ANXA13: variants seen among roughly 807,000 people sequenced by gnomAD.
The protein encoded by ANXA13 is annexin XIII.
ANXA13 carries 36 observed loss-of-function variants against 46.6 expected under a neutral mutation model. The observed-to-expected ratio is 0.77, with a 90% CI of 0.59 to 1.02. ANXA13 has a LOEUF of 1.02. Ranked by LOEUF, ANXA13 falls within the 50% of genes least tolerant of loss-of-function variation. The pLI, the probability that ANXA13 is intolerant of heterozygous loss-of-function variation, is 0.00. For synonymous variants in ANXA13, 163 were observed against 152.9 expected, an observed-to-expected ratio of 1.07 and a Z score of -0.49; for missense variants, 417 against 396.5, an observed-to-expected ratio of 1.05 and a Z score of -0.44.
chr8:123,689,265 ATAAT>A (rs1479797417), intron 8 of ANXA13, among the ~76,000 whole-genome samples: 2 of 147,982 alleles, frequency 1.4e-5, no homozygotes, highest in Non-Finnish European at 3.0e-5. Flanking sequence ...TATAATATAT[ATAAT>A]TAATATATTA....
chr8:123,720,850 C>G (rs975189524), intron 1 of ANXA13, among the ~76,000 whole-genome samples: 5 of 152,174 alleles, frequency 3.3e-5, no homozygotes, highest in Non-Finnish European at 7.3e-5. Context: ...ATCCTTCAGT[C>G]TTGGCCTCCA....
In ANXA13 at chr8:123,712,717, G is replaced by C. The variant is rs1048221390; in HGVS notation, c.52C>G (p.Arg18Gly). The change falls in exon 2 of 11, where the codon CGA becomes GGA. Residue 18 changes from arginine (R) to glycine (G), a missense_variant. By Grantham distance (125) the Arg-to-Gly change is moderately radical. Transcript: ENST00000419625. Reference protein sequence around the residue: ...ASSPQGFDVDRDAKKLNKACK... With the variant: ...ASSPQGFDVDGDAKKLNKACK... ...GCTTTGTTCAGCTTTTTGGCATCTC[G>C]ATCCACATCAAAACCCTGAGGACTG... 2.9e-5 allele frequency: 47 copies of C among 1,614,044 alleles called. No individual in the cohort carries two copies. Among genetic ancestry groups the C allele is most frequent in the Non-Finnish European group, 3.9e-5 (46 of 1,180,036 alleles).
rs554458607 is a variant in ANXA13, at chr8:123,702,680, G to T, written c.148C>A (p.Gln50Lys). 6.2e-7 allele frequency: 1 copy of T among 1,614,000 alleles called. No individual in the cohort carries two copies. Residue 50 changes from glutamine to lysine, a missense_variant, in exon 3 of 11, where the codon CAA becomes AAA. Physicochemically the swap from Gln to Lys is moderately conservative, Grantham distance 53. Transcript: ENST00000419625. ...GCCTTGTACTTTTGCTTGATTTGTT[G>T]CCTCTCATCTGATGTCCTGCCCGAT... ...ILSGRTSDER[Q>K]QIKQKYKATY...
At chr8:123,737,053 G>GTT (rs1384611407) in intron 1 of ANXA13, among the ~76,000 whole-genome samples, 2 of 149,932 alleles carry the variant, frequency 1.3e-5, no homozygotes, top group Non-Finnish European at 3.0e-5. Context: ...TAGAGACAGT[G>GTT]TTTCACCATG....
At chr8:123,701,254 G>A (rs929904609) in intron 3 of ANXA13, among the ~76,000 whole-genome samples, 6 of 152,158 alleles carry the variant, frequency 3.9e-5, no homozygotes, top group African/African-American at 7.2e-5. Flanking sequence ...GGCAGATCAC[G>A]AAGTCAGGAG....
chr8:123,733,653 G>A (rs2129956448), intron 1 of ANXA13, among the ~76,000 whole-genome samples: 1 of 152,364 alleles, frequency 6.6e-6, no homozygotes, highest in East Asian at 1.9e-4. Context: ...TCAGTTAGGA[G>A]CATGTGCAAT....
intron 9 of ANXA13, 52 bp downstream of exon 9, chr8:123,688,819 C>A: frequency 6.5e-7 from 1 of 1,527,834 alleles, no homozygotes; most frequent in African/African-American, 1.4e-5. Context: ...CTGTCTGAGT[C>A]TGGTTCCAGG....
intron 8 of ANXA13, among the ~76,000 whole-genome samples, chr8:123,692,972 T>C (rs1053035854): frequency 6.6e-6 from 1 of 152,038 alleles, no homozygotes; most frequent in African/African-American, 2.4e-5. Flanking sequence ...TTTAGCGGCA[T>C]CCCGGGCCTC....
Position 123,715,583 on chromosome 8 carries a change from C to T in ANXA13, c.16-2830G>A, listed in dbSNP as rs1318719443. On this transcript the variant is annotated intron_variant, in intron 1 of 10. Coordinates refer to ENST00000419625, the MANE Select transcript of ANXA13 (RefSeq NM_004306.4). ...GCTGAAACAGAGATGCAGGGCTCTG[C>T]AAATGGCTGTGTGGGTTATGCCCTG... Among the ~76,000 whole-genome samples the T allele has an allele frequency of 2.0e-5, 3 of 152,340 alleles. No homozygotes were observed. In the East Asian group the frequency reaches 5.8e-4, roughly 29 times the overall value.
intron 1 of ANXA13, among the ~76,000 whole-genome samples, chr8:123,714,467 GAA>G (rs1813725158): frequency 6.6e-6 from 1 of 152,202 alleles, no homozygotes; most frequent in African/African-American, 2.4e-5. Flanking sequence ...GGGAGAGAGA[GAA>G]AGAATCACAT....
chr8:123,697,472 G>A (rs1352380334), intron 4 of ANXA13, among the ~76,000 whole-genome samples: 1 of 152,226 alleles, frequency 6.6e-6, no homozygotes, highest in Non-Finnish European at 1.5e-5. Context: ...GGATGCTCCA[G>A]AAAAGGTTTG....
chr8:123,700,986 C>T (rs1039502564), intron 3 of ANXA13, among the ~76,000 whole-genome samples: 1 of 152,058 alleles, frequency 6.6e-6, no homozygotes, highest in Non-Finnish European at 1.5e-5. Context: ...CCATGCCCAG[C>T]TAATTTTTTA....
chr8:123,731,419 A>G (rs930311379), intron 1 of ANXA13, among the ~76,000 whole-genome samples: 6 of 152,242 alleles, frequency 3.9e-5, no homozygotes, highest in Admixed American at 3.9e-4. Flanking sequence ...TTTAAGATTT[A>G]TTTAGAAAAT....
chr8:123,720,184 C>A (rs4595110), intron 1 of ANXA13, among the ~76,000 whole-genome samples: 2 of 151,974 alleles, frequency 1.3e-5, no homozygotes, highest in African/African-American at 2.4e-5. Flanking sequence ...CAGGAGGGGC[C>A]CCCGGGAAGA....
chr8:123,698,304 G>T (rs970755864), intron 4 of ANXA13, 85 bp downstream of exon 4: 1 of 1,449,790 alleles, frequency 6.9e-7, no homozygotes, highest in Non-Finnish European at 9.5e-7. Flanking sequence ...TGGATAGAAT[G>T]CTGGGAAGTA....
At chr8:123,726,895 C>G (rs1430566358) in intron 1 of ANXA13, among the ~76,000 whole-genome samples, 1 of 152,318 alleles carries the variant, frequency 6.6e-6, no homozygotes, top group East Asian at 1.9e-4. Context: ...GAATTAATGG[C>G]ATTTGCAGCA....
chr8:123,683,443 A>ATTTTT (rs1813078866), intron 10 of ANXA13, among the ~76,000 whole-genome samples: 1 of 51,448 alleles, frequency 1.9e-5, no homozygotes. Context: ...TTTTTTTTTG[A>ATTTTT]GGGAAGATGT....
intron 2 of ANXA13, chr8:123,712,383 C>A (rs1324662809): frequency 1.1e-5 from 5 of 444,796 alleles, no homozygotes; most frequent in South Asian, 7.0e-5. Context: ...TGAGAACAGA[C>A]TAATACACCA....
chr8:123,695,913 C>G (rs912089150), intron 4 of ANXA13, among the ~76,000 whole-genome samples, 192 bp from the exon 5 acceptor site: 1 of 145,126 alleles, frequency 6.9e-6, no homozygotes, highest in African/African-American at 2.5e-5. Context: ...CCCGCCCCCC[C>G]CCCACTCCGC....
Sources: gnomAD v4.1 joint callset for allele counts (sites outside exome capture counted in the v4.1 genomes callset) on GRCh38, gnomAD v4.1.1 for gene constraint, MANE v1.5 for transcripts, NCBI Gene and HGNC (gene_info 2026-07-23, HGNC 2026-07-21) for gene names.